RPS6KA5: variants seen among roughly 807,000 people sequenced by gnomAD.
RPS6KA5 encodes ribosomal protein S6 kinase A5.
RPS6KA5 carries 27 observed loss-of-function variants against 85.5 expected under a neutral mutation model. That is an observed-to-expected ratio of 0.32 (90% CI 0.23 to 0.44). The LOEUF (loss-of-function observed/expected upper bound fraction) is 0.44. RPS6KA5 is among the 20% of genes least tolerant of loss of function. The probability of loss-of-function intolerance (pLI) is 1.00; values close to 1 mark genes in which losing one functional copy is unlikely to be tolerated. For missense variants in RPS6KA5, 811 were observed against 980.9 expected (o/e 0.83, Z 2.31); for synonymous variants, 334 against 348.2 (o/e 0.96, Z 0.46).
At position 90,871,871 on chromosome 14, in the gene RPS6KA5, G is replaced by GT; in HGVS notation, c.*202dup. ...GCATCATGCTAGGTTGCTAAAAAGA[G>GT]TAATATGTGCTCTATTCACAGTAAC... is the stretch of plus-strand genomic sequence containing the variant. On this transcript the variant is annotated 3_prime_UTR_variant, in exon 17 of 17. Coordinates refer to ENST00000614987, the MANE Select transcript of RPS6KA5 (RefSeq NM_004755.4). 1.8e-6 allele frequency: 1 copy of GT among 564,796 alleles called. No individual in the cohort carries two copies. The highest frequency in any genetic ancestry group is 2.8e-5 in the South Asian group (1 of 36,032). The allele number at this position is 564,796 out of a possible 1,614,324, so 35.0% of individuals were successfully genotyped here.
At chr14:90,921,809 G>A (rs1213048994) in intron 6 of RPS6KA5, among the ~76,000 whole-genome samples, 1 of 152,066 alleles carries the variant, frequency 6.6e-6, no homozygotes, top group Non-Finnish European at 1.5e-5. Flanking sequence ...CTGCATATGT[G>A]GGACTCTGAA....
At chr14:91,045,989 C>T (rs1171189374) in intron 1 of RPS6KA5, among the ~76,000 whole-genome samples, 1 of 152,132 alleles carries the variant, frequency 6.6e-6, no homozygotes, top group Non-Finnish European at 1.5e-5. Flanking sequence ...GATAGAAAGG[C>T]TTTGTTTCCC....
chr14:91,060,533 G>A lies in RPS6KA5; in HGVS notation c.-99C>T. 1 of 1,224,312 alleles carries A rather than the reference G, an allele frequency of 8.2e-7. No individual in the cohort carries two copies. Among genetic ancestry groups the A allele is most frequent in the Non-Finnish European group, 1.0e-6 (1 of 974,908 alleles). The allele number at this position is 1,224,312 out of a possible 1,614,324, so 75.8% of individuals were successfully genotyped here. On this transcript the variant is annotated 5_prime_UTR_variant, in exon 1 of 17. Coordinates refer to ENST00000614987, the MANE Select transcript of RPS6KA5 (RefSeq NM_004755.4). ...AGCCGCTGCCGCGGCCCCAGGAGTC[G>A]GGGTGCGGCGGCTCCAGAACTCGGA...
At chr14:90,924,743 A>C (rs2036573457) in intron 5 of RPS6KA5, among the ~76,000 whole-genome samples, 1 of 152,230 alleles carries the variant, frequency 6.6e-6, no homozygotes, top group Non-Finnish European at 1.5e-5. Context: ...GTGATTAGCC[A>C]ATCAAGGAGG....
At chr14:90,916,924 C>G (rs577860496) in intron 7 of RPS6KA5, among the ~76,000 whole-genome samples, 2 of 152,160 alleles carry the variant, frequency 1.3e-5, no homozygotes, top group Non-Finnish European at 2.9e-5. Flanking sequence ...TCAGAATATT[C>G]TTGCCATCAT....
Position 91,009,199 on chromosome 14 carries a change from A to G in RPS6KA5, c.104-8040T>C, listed in dbSNP as rs2041156445. Among the ~76,000 whole-genome samples the G allele has an allele frequency of 2.0e-5, 3 of 152,194 alleles. No homozygotes were observed. The South Asian group carries it at 6.2e-4, about 31-fold the overall frequency. ...ACATTAAGAGGTGGGGCCACTGGAA[A>G]GTGATTAGGTCACTAGGGCAGAGCC... On this transcript the variant is annotated intron_variant, in intron 1 of 16. Coordinates refer to ENST00000614987, the MANE Select transcript of RPS6KA5 (RefSeq NM_004755.4).
At chr14:90,962,590 A>AT (rs34537107) in intron 3 of RPS6KA5, among the ~76,000 whole-genome samples, 16,917 of 143,994 alleles carry the variant, frequency 0.12, 995 homozygotes, top group East Asian at 0.17. Context: ...CCCGGCCTAG[A>AT]TTTTTTTTTT....
At chr14:90,895,661 G>C (rs2034798014) in intron 12 of RPS6KA5, among the ~76,000 whole-genome samples, 1 of 152,210 alleles carries the variant, frequency 6.6e-6, no homozygotes, top group South Asian at 2.1e-4. Flanking sequence ...CAGGGTGAGA[G>C]GACTGCTTGA....
chr14:91,059,239 C>G (rs1008726967), intron 1 of RPS6KA5, among the ~76,000 whole-genome samples: 1 of 143,720 alleles, frequency 7.0e-6, no homozygotes, highest in African/African-American at 2.6e-5. Context: ...ACTCCGGAGG[C>G]TGAGGCAGGA....
In RPS6KA5 at chr14:91,060,458, C is replaced by T. The variant is rs759337954; in HGVS notation, c.-24G>A. 3 of 1,417,966 alleles carry T rather than the reference C, an allele frequency of 2.1e-6. No homozygotes were observed. The highest frequency in any genetic ancestry group is 2.8e-6 in the Non-Finnish European group (3 of 1,072,064). The allele number at this position is 1,417,966 out of a possible 1,614,324, so 87.8% of individuals were successfully genotyped here. A position where few individuals can be genotyped will look rare whatever the true frequency, so the allele number is the denominator to read the frequency against. The stretch of plus-strand genomic sequence containing the variant: ...ATCTTCTCCTTTTTTTCCGATCCCG[C>T]GGGTCGCTACGAGGGGAACCCAGGA... On this transcript the variant is annotated 5_prime_UTR_variant, in exon 1 of 17. Transcript: ENST00000614987.
In RPS6KA5 at chr14:90,900,619, T is replaced by C. The variant is rs1274383549; in HGVS notation, c.1237A>G (p.Met413Val). The part of the protein sequence containing the change: ...PGVTNVARSA[M>V]MKDSPFYQHY... The stretch of plus-strand genomic sequence containing the variant: ...TTACCACATCTATATACCTTCATCA[T>C]TGCACTCCTGGCAACATTTGTCACT... The change falls in exon 10 of 17, where the codon ATG (methionine) becomes GTG (valine). Residue 413 changes from methionine to valine, a missense_variant. Met to Val is a conservative substitution (Grantham distance 21, BLOSUM62 1). Coordinates refer to ENST00000614987, the MANE Select transcript of RPS6KA5 (RefSeq NM_004755.4). 5 of 1,613,626 alleles carry C rather than the reference T, an allele frequency of 3.1e-6. No homozygotes were observed. The highest frequency in any genetic ancestry group is 1.1e-5 in the South Asian group (1 of 91,006).
At chr14:90,876,439 T>C (rs185578543) in intron 14 of RPS6KA5, among the ~76,000 whole-genome samples, 129 of 152,372 alleles carry the variant, frequency 8.5e-4, no homozygotes, top group African/African-American at 2.9e-3. Flanking sequence ...CCTGTTTTCA[T>C]TGTAGCCATA....
intron 8 of RPS6KA5, among the ~76,000 whole-genome samples, chr14:90,905,453 C>T (rs1443119883): frequency 1.3e-5 from 2 of 152,072 alleles, no homozygotes; most frequent in African/African-American, 4.8e-5. Flanking sequence ...CGTGGCATCC[C>T]CAGTTTGACG....
chr14:90,877,287 T>C (rs1384765313), intron 14 of RPS6KA5, among the ~76,000 whole-genome samples: 1 of 152,174 alleles, frequency 6.6e-6, no homozygotes, highest in African/African-American at 2.4e-5. Context: ...GAAGATTAAT[T>C]GCTCTAAGAA....
chr14:91,023,185 C>A (rs1009021167), intron 1 of RPS6KA5, among the ~76,000 whole-genome samples: 1 of 151,782 alleles, frequency 6.6e-6, no homozygotes, highest in African/African-American at 2.4e-5. Context: ...AAGTGCTCAC[C>A]ATCAGGTTGT....
Position 90,943,069 on chromosome 14 carries a change from T to C in RPS6KA5, c.618+9A>G, listed in dbSNP as rs755507284. 2.0e-6 allele frequency: 3 copies of C among 1,478,994 alleles called. No homozygotes were observed. Among genetic ancestry groups the C allele is most frequent in the Non-Finnish European group, 2.8e-6 (3 of 1,058,296 alleles). The allele number at this position is 1,478,994 out of a possible 1,614,324, so 91.6% of individuals were successfully genotyped here. A position where few individuals can be genotyped will look rare whatever the true frequency, so the allele number is the denominator to read the frequency against. ...TGTTATTACTAACTTCAAATTAAAA[T>C]ATACTCACTTCATCAGCCACAAACT... On this transcript the variant is annotated intron_variant, in intron 5 of 16. Transcript: ENST00000614987.
intron 1 of RPS6KA5, among the ~76,000 whole-genome samples, chr14:91,047,106 C>T (rs1053128613): frequency 7.3e-5 from 11 of 151,188 alleles, no homozygotes; most frequent in African/African-American, 2.7e-4. Flanking sequence ...AATATCTTCC[C>T]ATATTTTCCC....
chr14:90,964,287 C>A (rs1271999908), intron 3 of RPS6KA5, among the ~76,000 whole-genome samples: 5 of 152,062 alleles, frequency 3.3e-5, no homozygotes, highest in Admixed American at 3.3e-4. Context: ...ATTCCCTGAG[C>A]CTCAGATACC....
chr14:90,950,496 T>C (rs2038116812), intron 3 of RPS6KA5, among the ~76,000 whole-genome samples: 1 of 152,240 alleles, frequency 6.6e-6, no homozygotes, highest in South Asian at 2.1e-4. Context: ...ATTCAGTCTT[T>C]AACCATTAAG....
Sources: gnomAD v4.1 joint callset for allele counts (sites outside exome capture counted in the v4.1 genomes callset) on GRCh38, gnomAD v4.1.1 for gene constraint, MANE v1.5 for transcripts, NCBI Gene and HGNC (gene_info 2026-07-23, HGNC 2026-07-21) for gene names.